The following EPM2A variants were observed in gnomAD, a reference collection of about 807,000 sequenced individuals.
EPM2A encodes the protein laforin.
EPM2A carries 21 observed loss-of-function variants against 26.5 expected under a neutral mutation model. That is an observed-to-expected ratio of 0.79 (90% CI 0.56 to 1.14). The LOEUF is 1.14. EPM2A is among the 50% of genes most tolerant of loss of function. The probability of loss-of-function intolerance (pLI) is 0.00; values close to 1 mark genes in which losing one functional copy is unlikely to be tolerated. For synonymous variants in EPM2A, 217 were observed against 177.6 expected (o/e 1.22, Z -1.76); for missense variants, 458 against 440.8 (o/e 1.04, Z -0.35).
chr6:145,474,578 T>G (rs1483539776), intron 4 of EPM2A, among the ~76,000 whole-genome samples: 1 of 152,104 alleles, frequency 6.6e-6, no homozygotes, highest in Non-Finnish European at 1.5e-5. Context: ...ACTTCATGAC[T>G]AAAACACCAA....
intron 1 of EPM2A, among the ~76,000 whole-genome samples, chr6:145,689,876 G>A (rs1454194304): frequency 6.6e-6 from 1 of 152,174 alleles, no homozygotes; most frequent in Non-Finnish European, 1.5e-5. Flanking sequence ...TGGAAAGGTG[G>A]ACTTCCACCT....
At chr6:145,646,546 C>T (rs1777481042) in intron 2 of EPM2A, among the ~76,000 whole-genome samples, 1 of 152,046 alleles carries the variant, frequency 6.6e-6, no homozygotes, top group Non-Finnish European at 1.5e-5. Flanking sequence ...ACTGATCACC[C>T]TATTACCCTA....
intron 2 of EPM2A, among the ~76,000 whole-genome samples, chr6:145,503,684 G>A (rs11155429): frequency 0.026 from 1,806 of 70,594 alleles, 7 homozygotes; most frequent in Middle Eastern, 0.054. Flanking sequence ...TAATTTACAG[G>A]TTCAATGCCA....
chr6:145,573,610 G>T (rs571159455), intron 2 of EPM2A, among the ~76,000 whole-genome samples: 2 of 152,220 alleles, frequency 1.3e-5, no homozygotes, highest in Non-Finnish European at 2.9e-5. Flanking sequence ...TCCCTCCAGG[G>T]ATGCAATATT....
intron 4 of EPM2A, chr6:145,491,196 T>C (rs453609): frequency 0.47 from 213,668 of 453,840 alleles, 50,863 homozygotes; most frequent in South Asian, 0.58. Context: ...AGCAGGAAAT[T>C]TTCCCCGACC....
intron 4 of EPM2A, among the ~76,000 whole-genome samples, chr6:145,415,082 C>T (rs1338130790): frequency 1.3e-5 from 2 of 152,180 alleles, no homozygotes; most frequent in Non-Finnish European, 1.5e-5. Context: ...TCACTTTAGT[C>T]ATAATCACCA....
At position 145,394,860 on chromosome 6, in the gene EPM2A, A is replaced by G. The variant is rs528002636; in HGVS notation, c.556-10763T>C. On this transcript the variant is annotated intron_variant, in intron 4 of 4. Coordinates refer to the EPM2A transcript ENST00000638717. ...TGGGAATATACAGAAAACTCCACTT[A>G]CTTTTCTCAAATCTTATGAGTCGAC... Among the ~76,000 whole-genome samples the G allele has an allele frequency of 5.3e-4, 80 of 152,206 alleles. 1 individual carries two copies. The South Asian group carries it at 0.017, about 32-fold the overall frequency.
chr6:145,462,833 C>T (rs1272678075), intron 4 of EPM2A, among the ~76,000 whole-genome samples: 1 of 152,146 alleles, frequency 6.6e-6, no homozygotes, highest in African/African-American at 2.4e-5. Context: ...ATAAAGATGA[C>T]TCCTTCCTGC....
At chr6:145,464,006 A>T (rs1214909012) in intron 4 of EPM2A, among the ~76,000 whole-genome samples, 1 of 152,014 alleles carries the variant, frequency 6.6e-6, no homozygotes, top group Non-Finnish European at 1.5e-5. Context: ...AGTTCTCATG[A>T]GGTCTGATGG....
At chr6:145,559,056 G>T (rs150245525) in intron 2 of EPM2A, among the ~76,000 whole-genome samples, 1 of 152,224 alleles carries the variant, frequency 6.6e-6, no homozygotes, top group African/African-American at 2.4e-5. Context: ...AGGCAGAGAT[G>T]TTGTCTTCAT....
chr6:145,586,352 T>A (rs559970584), intron 2 of EPM2A, among the ~76,000 whole-genome samples: 4 of 152,294 alleles, frequency 2.6e-5, no homozygotes, highest in Admixed American at 6.5e-5. Context: ...GTCTTTTTTT[T>A]ATCATTATGA....
chr6:145,551,714 T>A (rs556909267), intron 2 of EPM2A, among the ~76,000 whole-genome samples: 1 of 151,982 alleles, frequency 6.6e-6, no homozygotes, highest in African/African-American at 2.4e-5. Context: ...ATTTCAATAC[T>A]GACCAAATAT....
At chr6:145,641,814 C>T (rs1212957836) in intron 2 of EPM2A, among the ~76,000 whole-genome samples, 3 of 152,064 alleles carry the variant, frequency 2.0e-5, no homozygotes, top group African/African-American at 7.2e-5. Context: ...CACCAGACTC[C>T]GACTAAAATG....
intron 2 of EPM2A, among the ~76,000 whole-genome samples, chr6:145,522,393 T>C (rs1184194996): frequency 1.3e-5 from 2 of 152,022 alleles, no homozygotes; most frequent in Non-Finnish European, 2.9e-5. Flanking sequence ...CCCCTAACCA[T>C]TCCCCCTCCA....
Position 145,683,268 on chromosome 6 carries a change from G to GGTGTGTGTGTGTGTGTGTGT in EPM2A, c.476+2834_476+2853dup, listed in dbSNP as rs35326843. On this transcript the variant is annotated intron_variant, in intron 2 of 3. Coordinates refer to ENST00000367519, the MANE Select transcript of EPM2A (RefSeq NM_005670.4). ...TGAAAAATAAAGATTCCCAGGATTT[G>GGTGTGTGTGTGTGTGTGTGT]GTGTGTGTGTGTGTGTGTGTGTGTG... 1.8e-3 allele frequency among the ~76,000 whole-genome samples: 246 copies of GGTGTGTGTGTGTGTGTGTGT among 133,998 alleles called. 1 individual carries two copies. The highest frequency in any genetic ancestry group is 2.5e-3 in the African/African-American group (92 of 36,460). 87.9% of individuals were successfully genotyped at this position (133,998 alleles called of 152,430 possible). A position where few individuals can be genotyped will look rare whatever the true frequency, so the allele number is the denominator to read the frequency against.
rs549119991 is a variant in EPM2A at position 145,676,576 on chromosome 6, C to A, written c.476+9546G>T. The stretch of plus-strand genomic sequence containing the variant: ...AGAGAGAAGAAACAAATAGACACAA[C>A]AAAAAAATGATAAAGAAGATATCAC... On this transcript the variant is annotated intron_variant, in intron 2 of 3. Transcript: ENST00000367519. 4.3e-3 allele frequency among the ~76,000 whole-genome samples: 659 copies of A among 151,750 alleles called. 5 individuals carry two copies. The highest frequency in any genetic ancestry group is 0.014 in the African/African-American group (571 of 41,404).
intron 2 of EPM2A, among the ~76,000 whole-genome samples, chr6:145,549,339 C>A (rs969652761): frequency 3.3e-5 from 5 of 152,016 alleles, no homozygotes; most frequent in Admixed American, 6.6e-5. Flanking sequence ...AAGTATAAAG[C>A]AATATAATTC....
intron 2 of EPM2A, among the ~76,000 whole-genome samples, chr6:145,683,957 T>C (rs768006117): frequency 1.3e-5 from 2 of 151,762 alleles, no homozygotes; most frequent in Non-Finnish European, 2.9e-5. Flanking sequence ...AAAAGAAAGA[T>C]CAAAATGAAT....
At chr6:145,468,085 C>G (rs1011468616) in intron 4 of EPM2A, among the ~76,000 whole-genome samples, 4 of 151,820 alleles carry the variant, frequency 2.6e-5, no homozygotes. Flanking sequence ...TGTGTCTGTC[C>G]TGTTTATATT....
Sources: gnomAD v4.1 joint callset for allele counts (sites outside exome capture counted in the v4.1 genomes callset) on GRCh38, gnomAD v4.1.1 for gene constraint, MANE v1.5 for transcripts, NCBI Gene and HGNC (gene_info 2026-07-23, HGNC 2026-07-21) for gene names.